Variants in SLC1A2 observed in about 807,000 individuals in gnomAD.
The protein encoded by SLC1A2 is solute carrier family 1 member 2, also known as excitatory amino acid transporter 2.
SLC1A2 carries 15 observed loss-of-function variants against 48.8 expected under a neutral mutation model. That is an observed-to-expected ratio of 0.31 (90% CI 0.21 to 0.47). The LOEUF (loss-of-function observed/expected upper bound fraction) is 0.47. Among genes scored for constraint, SLC1A2 ranks in the 20% least tolerant of loss-of-function variants. SLC1A2 has a pLI of 0.99. For missense variants in SLC1A2, 502 were observed against 730.5 expected, an observed-to-expected ratio of 0.69 and a Z score of 3.61; for synonymous variants, 279 against 272.6, an observed-to-expected ratio of 1.02 and a Z score of -0.23.
chr11:35,369,211 C>A (rs1853971851), intron 1 of SLC1A2, among the ~76,000 whole-genome samples: 1 of 152,146 alleles, frequency 6.6e-6, no homozygotes, highest in South Asian at 2.1e-4. Context: ...GACTTTTTCC[C>A]CCACCACCTT....
At chr11:35,292,594 G>A (rs745691445) in intron 6 of SLC1A2, 74 bp from the exon 7 acceptor site, 12 of 797,904 alleles carry the variant, frequency 1.5e-5, no homozygotes, top group Non-Finnish European at 2.0e-5. Context: ...CCTCTGTACC[G>A]CACACTGAGG....
rs1851917611 is a variant in SLC1A2, at chr11:35,317,395, G to C, written c.139C>G (p.Leu47Val). ...LCDKLGKNLL[L>V]TLTVFGVILG... ...TACCTACCAAACACCGTCAGGGTGA[G>C]CAGCAGATTCTTCCCCAGCTTGTCA... is the stretch of plus-strand genomic sequence containing the variant. The change falls in exon 2 of 11, where the codon CTC (leucine) becomes GTC (valine). Residue 47 changes from leucine to valine, a missense_variant. Transcript: ENST00000278379. 6.2e-7 allele frequency: 1 copy of C among 1,614,100 alleles called. No individual in the cohort carries two copies. Among genetic ancestry groups the C allele is most frequent in the Non-Finnish European group, 8.5e-7 (1 of 1,179,944 alleles).
chr11:35,354,673 G>T (rs1853391699), intron 1 of SLC1A2, among the ~76,000 whole-genome samples: 2 of 152,036 alleles, frequency 1.3e-5, no homozygotes, highest in South Asian at 4.1e-4. Flanking sequence ...TAGGGCCGAG[G>T]TCGAGAAACC....
chr11:35,312,986 G>A (rs1024456262), intron 3 of SLC1A2, among the ~76,000 whole-genome samples: 8 of 151,996 alleles, frequency 5.3e-5, no homozygotes, highest in African/African-American at 1.9e-4. Flanking sequence ...GTTTACAAAT[G>A]GTCTGTAACA....
chr11:35,312,700 C>T (rs191408944), intron 3 of SLC1A2, among the ~76,000 whole-genome samples: 26 of 152,344 alleles, frequency 1.7e-4, no homozygotes, highest in African/African-American at 6.3e-4. Context: ...GCACATCCTC[C>T]TGTCTACTTT....
intron 1 of SLC1A2, among the ~76,000 whole-genome samples, chr11:35,359,820 A>G (rs140410389): frequency 2.6e-5 from 4 of 152,350 alleles, no homozygotes; most frequent in East Asian, 1.9e-4. Context: ...CTGAGCCTCA[A>G]TGTTCCTAAG....
chr11:35,341,488 AT>A (rs961318643), intron 1 of SLC1A2, among the ~76,000 whole-genome samples: 6 of 152,320 alleles, frequency 3.9e-5, no homozygotes, highest in East Asian at 1.9e-4. Context: ...ATTTAAAAAT[AT>A]TTTTTTAAAA....
In SLC1A2 at chr11:35,308,484, C is replaced by G. The variant is rs145083839; in HGVS notation, c.562-2242G>C. On this transcript the variant is annotated intron_variant, in intron 4 of 10. Transcript: ENST00000278379. ...CTAAGACTGGATAATTTATGATAAA[C>G]AGAAATTTATTTTTTCACCATTCTG... is the stretch of plus-strand genomic sequence containing the variant. Among the ~76,000 whole-genome samples the G allele has an allele frequency of 3.1e-3, 467 of 152,246 alleles. 1 individual carries two copies. The highest frequency in any genetic ancestry group is 4.9e-3 in the Non-Finnish European group (332 of 68,008).
rs114090995 is a variant in SLC1A2 at position 35,351,438 on chromosome 11, C to T, written c.18-33922G>A. ...CAGAGCACTTTCCTACTGACATGGA[C>T]GTGTGTTCTCCCAGATACTTCACCC... On this transcript the variant is annotated intron_variant, in intron 1 of 10. Transcript: ENST00000278379. Among the ~76,000 whole-genome samples, 1,189 of 152,220 alleles carry T rather than the reference C, an allele frequency of 7.8e-3. 15 individuals carry two copies. Among genetic ancestry groups the T allele is most frequent in the African/African-American group, 0.027 (1,120 of 41,540 alleles).
chr11:35,332,843 G>A (rs183883655), intron 1 of SLC1A2, among the ~76,000 whole-genome samples: 60 of 152,248 alleles, frequency 3.9e-4, no homozygotes, highest in African/African-American at 1.2e-3. Flanking sequence ...TGCAGCACAC[G>A]CTACCTAGAG....
intron 1 of SLC1A2, among the ~76,000 whole-genome samples, chr11:35,357,244 G>A (rs564909808): frequency 9.6e-5 from 14 of 146,332 alleles, no homozygotes; most frequent in Middle Eastern, 3.8e-3. Flanking sequence ...GCAACTGAGC[G>A]AGACTCTATA....
chr11:35,260,326 T>A lies in SLC1A2; in HGVS notation c.*568A>T, dbSNP rs1051322102. On this transcript the variant is annotated 3_prime_UTR_variant, in exon 11 of 11. Coordinates refer to ENST00000278379, the MANE Select transcript of SLC1A2 (RefSeq NM_004171.4). ...AAAACTGTCTTTGAAACATTTTACT[T>A]AAAGAGCATATGGAAGATAAATTGT... 6.6e-6 allele frequency: 1 copy of A among 152,566 alleles called. No homozygotes were observed. The highest frequency in any genetic ancestry group is 2.4e-5 in the African/African-American group (1 of 41,240). 9.5% of individuals were successfully genotyped at this position (152,566 alleles called of 1,614,324 possible). A position where few individuals can be genotyped will look rare whatever the true frequency, so the allele number is the denominator to read the frequency against.
intron 7 of SLC1A2, chr11:35,291,511 C>T (rs981121963): frequency 6.6e-5 from 10 of 152,158 alleles, no homozygotes; most frequent in Admixed American, 5.9e-4. Flanking sequence ...ATCCGCCTGC[C>T]GAGGCCTCCC....
rs1950387231 is a variant in SLC1A2 at position 35,261,055 on chromosome 11, T to C, written c.1654-90A>G. ...ATGTGGAGAAGCACCAAATCCAAGATTATACTACATGACTGAAATATTAGT... is the reference window on the plus strand; with the variant it reads ...ATGTGGAGAAGCACCAAATCCAAGACTATACTACATGACTGAAATATTAGT... On this transcript the variant is annotated intron_variant, in intron 10 of 10. Coordinates refer to ENST00000278379, the MANE Select transcript of SLC1A2 (RefSeq NM_004171.4). The C allele has an allele frequency of 2.0e-5, 17 of 864,012 alleles. 1 individual carries two copies. Among genetic ancestry groups the C allele is most frequent in the Middle Eastern group, 4.4e-4 (2 of 4,590 alleles). 53.5% of individuals were successfully genotyped at this position (864,012 alleles called of 1,614,324 possible).
At chr11:35,268,196 C>A (rs1357091573) in intron 9 of SLC1A2, among the ~76,000 whole-genome samples, 3 of 152,144 alleles carry the variant, frequency 2.0e-5, no homozygotes, top group African/African-American at 7.2e-5. Context: ...ATATACAATA[C>A]CTTTGACCAA....
chr11:35,293,447 T>A lies in SLC1A2; in HGVS notation c.858-927A>T, dbSNP rs115997509. ...ATAGTTCTATCTTATTATTAATTTA[T>A]AGAGAGTTTGGAAACTACTTTGGTC... On this transcript the variant is annotated intron_variant, in intron 6 of 10. Coordinates refer to ENST00000278379, the MANE Select transcript of SLC1A2 (RefSeq NM_004171.4). 2.0e-3 allele frequency among the ~76,000 whole-genome samples: 312 copies of A among 152,350 alleles called. 5 individuals carry two copies. The highest frequency in any genetic ancestry group is 7.3e-3 in the African/African-American group (303 of 41,584).
At chr11:35,419,993 C>A, upstream of SLC1A2, 2 of 466,050 alleles carry the variant, frequency 4.3e-6, no homozygotes, top group Middle Eastern at 3.7e-4. The surrounding 1 kb of genome is among the most constrained non-coding windows in gnomAD (Gnocchi z 5.4). Context: ...CTGAAACACG[C>A]GGGTGGTGCA....
chr11:35,326,437 T>G (rs1025260358), intron 1 of SLC1A2, among the ~76,000 whole-genome samples: 1 of 152,202 alleles, frequency 6.6e-6, no homozygotes, highest in African/African-American at 2.4e-5. Context: ...GTCTCCCAGA[T>G]GGGAGTGACT....
intron 1 of SLC1A2, chr11:35,418,578 G>T (rs765048791): frequency 3.3e-5 from 7 of 214,444 alleles, no homozygotes; most frequent in Non-Finnish European, 6.4e-5. Context: ...CCCGCCTCGG[G>T]CCTGGGGCGC....
Sources: gnomAD v4.1 joint callset for allele counts (sites outside exome capture counted in the v4.1 genomes callset) on GRCh38, gnomAD v4.1.1 for gene constraint, Gnocchi (gnomAD v3.1) non-coding constraint, MANE v1.5 for transcripts, NCBI Gene and HGNC (gene_info 2026-07-23, HGNC 2026-07-21) for gene names.